The following PCGF5 variants were observed in gnomAD, a reference collection of about 807,000 sequenced individuals.
PCGF5 encodes the protein polycomb group ring finger 5.
Under a neutral mutation model 44.3 loss-of-function variants are expected in PCGF5, and 9 were observed. The ratio of observed to expected loss-of-function variants is 0.20; its 90% CI spans 0.12 to 0.35. The LOEUF (loss-of-function observed/expected upper bound fraction) is 0.35, where lower values mean the gene tolerates loss of function less well. PCGF5 is among the 10% of genes least tolerant of loss of function. The pLI is 1.00. For missense variants in PCGF5, 146 were observed against 305.3 expected (o/e 0.48, Z 3.89); for synonymous variants, 95 against 102.5 (o/e 0.93, Z 0.44).
chr10:91,253,110 T>C (rs1485986306), intron 6 of PCGF5, among the ~76,000 whole-genome samples: 1 of 152,006 alleles, frequency 6.6e-6, no homozygotes, highest in Non-Finnish European at 1.5e-5. Context: ...TGTAAGTATG[T>C]CCTAATACTT....
intron 7 of PCGF5, among the ~76,000 whole-genome samples, chr10:91,262,758 A>G (rs1348283301): frequency 6.6e-6 from 1 of 152,238 alleles, no homozygotes; most frequent in African/African-American, 2.4e-5. Context: ...GAAGTTAACT[A>G]TAAAGCCCAA....
chr10:91,198,628 C>T lies in PCGF5; in HGVS notation c.-183-24061C>T, dbSNP rs181391734. Among the ~76,000 whole-genome samples the T allele has an allele frequency of 2.6e-5, 4 of 152,314 alleles. No individual in the cohort carries two copies. In the East Asian group the frequency reaches 5.8e-4, roughly 22 times the overall value. On this transcript the variant is annotated intron_variant, in intron 1 of 9. Coordinates refer to the PCGF5 transcript ENST00000614189. Reference sequence around the variant, plus strand: ...AGAGTTCAAGCTTGTCTCTGTCCTTCGATCTTCTTGGGAGTTTTCTGTAAA... The same window carrying T: ...AGAGTTCAAGCTTGTCTCTGTCCTTTGATCTTCTTGGGAGTTTTCTGTAAA...
chr10:91,230,348 A>T (rs1844968532), intron 2 of PCGF5, among the ~76,000 whole-genome samples: 1 of 152,200 alleles, frequency 6.6e-6, no homozygotes, highest in Non-Finnish European at 1.5e-5. Context: ...AGGGTTCAAT[A>T]TAAGCATTAT....
upstream of PCGF5, among the ~76,000 whole-genome samples, chr10:91,218,312 T>C (rs1016236369): frequency 6.6e-6 from 1 of 152,202 alleles, no homozygotes; most frequent in African/African-American, 2.4e-5. Context: ...ATGATTCCTT[T>C]ATCCTGCCTT....
intron 3 of PCGF5, among the ~76,000 whole-genome samples, chr10:91,247,346 A>G (rs1434035613): frequency 1.3e-5 from 2 of 152,206 alleles, no homozygotes; most frequent in Non-Finnish European, 2.9e-5. Context: ...GAAGTTATAG[A>G]TGATTTTGAG....
chr10:91,251,984 G>C (rs2648717), intron 6 of PCGF5, among the ~76,000 whole-genome samples: 19,420 of 151,872 alleles, frequency 0.13, 1,613 homozygotes, highest in Non-Finnish European at 0.18. Flanking sequence ...TCCATTTCTG[G>C]TACTGTTTTC....
chr10:91,222,767 A>G lies in PCGF5; in HGVS notation c.-105A>G. Reference sequence around the variant, plus strand: ...ATCTGGATGCTAGTTCTCATGCCTCAGGACATCCTACTGGGAACGACACAC... The same window carrying G: ...ATCTGGATGCTAGTTCTCATGCCTCGGGACATCCTACTGGGAACGACACAC... On this transcript the variant is annotated 5_prime_UTR_variant, in exon 2 of 10. Coordinates refer to ENST00000336126, the MANE Select transcript of PCGF5 (RefSeq NM_032373.5). 1 of 622,114 alleles carries G rather than the reference A, an allele frequency of 1.6e-6. No individual in the cohort carries two copies. Among genetic ancestry groups the G allele is most frequent in the South Asian group, 2.2e-5 (1 of 46,246 alleles). 38.5% of individuals were successfully genotyped at this position (622,114 alleles called of 1,614,324 possible).
intron 1 of PCGF5, among the ~76,000 whole-genome samples, chr10:91,184,224 T>C (rs1433217108): frequency 2.6e-5 from 4 of 152,220 alleles, no homozygotes; most frequent in Non-Finnish European, 5.9e-5. Context: ...AGTCTCTACA[T>C]AATCCCATAT....
At chr10:91,224,748 A>G (rs977099214) in intron 2 of PCGF5, among the ~76,000 whole-genome samples, 1 of 152,184 alleles carries the variant, frequency 6.6e-6, no homozygotes, top group African/African-American at 2.4e-5. Flanking sequence ...TTAGAAGCCT[A>G]TTACTGTAGG....
At chr10:91,164,664 T>C (rs1843465528) in intron 1 of PCGF5, among the ~76,000 whole-genome samples, 1 of 152,224 alleles carries the variant, frequency 6.6e-6, no homozygotes. Context: ...TTTTTCCCAA[T>C]GTGATCACTC....
intron 2 of PCGF5, among the ~76,000 whole-genome samples, chr10:91,226,289 TAAAAAAAAAAA>T (rs66465569): frequency 6.7e-5 from 5 of 75,144 alleles, no homozygotes; most frequent in Admixed American, 5.3e-4. Context: ...TTAAGAAATG[TAAAAAAAAAAA>T]AAAAAAAAAA....
At chr10:91,250,812 T>C (rs576027996) in intron 5 of PCGF5, among the ~76,000 whole-genome samples, 58 of 152,004 alleles carry the variant, frequency 3.8e-4, no homozygotes, top group African/African-American at 1.0e-3. Flanking sequence ...TCGTTTTTTT[T>C]CACTGGCTGA....
intron 1 of PCGF5, among the ~76,000 whole-genome samples, chr10:91,182,075 G>A (rs1843828490): frequency 1.3e-5 from 2 of 152,106 alleles, no homozygotes; most frequent in South Asian, 4.1e-4. Flanking sequence ...TAGTTTATAA[G>A]CATAAAGGTG....
chr10:91,201,343 A>T (rs1444739789), intron 1 of PCGF5, among the ~76,000 whole-genome samples: 1 of 152,060 alleles, frequency 6.6e-6, no homozygotes, highest in Non-Finnish European at 1.5e-5. Flanking sequence ...TAGTCCTATC[A>T]TGGTCCCCCC....
intron 1 of PCGF5, among the ~76,000 whole-genome samples, chr10:91,177,501 G>A (rs113006192): frequency 6.6e-6 from 1 of 152,222 alleles, no homozygotes. Context: ...CTTGCCCCCG[G>A]AGGTGGAGTC....
At chr10:91,255,851 C>T (rs1185933617) in intron 6 of PCGF5, among the ~76,000 whole-genome samples, 1 of 151,982 alleles carries the variant, frequency 6.6e-6, no homozygotes, top group African/African-American at 2.4e-5. Context: ...TCCCATGTCC[C>T]TTATATAAAA....
chr10:91,162,334 C>A (rs938624190), upstream of PCGF5, among the ~76,000 whole-genome samples: 4 of 150,746 alleles, frequency 2.7e-5, no homozygotes, highest in African/African-American at 7.3e-5. Flanking sequence ...GGGGACTTTG[C>A]GATTAGAAGC....
intron 1 of PCGF5, among the ~76,000 whole-genome samples, chr10:91,177,444 G>A (rs1172016051): frequency 6.6e-6 from 1 of 152,226 alleles, no homozygotes; most frequent in African/African-American, 2.4e-5. Flanking sequence ...GTCAGACAGA[G>A]ACATTTAAGT....
chr10:91,171,270 G>A (rs1843599630), intron 1 of PCGF5, among the ~76,000 whole-genome samples: 1 of 152,244 alleles, frequency 6.6e-6, no homozygotes, highest in African/African-American at 2.4e-5. Flanking sequence ...TTTGAGTTCT[G>A]AAGAGGAAAG....
Sources: gnomAD v4.1 joint callset for allele counts (sites outside exome capture counted in the v4.1 genomes callset) on GRCh38, gnomAD v4.1.1 for gene constraint, MANE v1.5 for transcripts, NCBI Gene and HGNC (gene_info 2026-07-23, HGNC 2026-07-21) for gene names.